The following MLLT3 variants were observed in gnomAD, a reference collection of about 807,000 sequenced individuals.
The protein encoded by MLLT3 is MLLT3 super elongation complex subunit.
Under a neutral mutation model 53.2 loss-of-function variants are expected in MLLT3, and 4 were observed. The observed-to-expected ratio is 0.08, with a 90% CI of 0.04 to 0.17. MLLT3 has a LOEUF of 0.17. MLLT3 is among the 10% of genes least tolerant of loss of function. The pLI is 1.00. For missense variants in MLLT3, 569 were observed against 684.0 expected (o/e 0.83, Z 1.87); for synonymous variants, 283 against 230.6 (o/e 1.23, Z -2.06).
Position 20,620,624 on chromosome 9 carries a change from T to TA in MLLT3, c.193+29dup. On this transcript the variant is annotated intron_variant, in intron 2 of 10. Transcript: ENST00000380338. The surrounding 1 kb of genome is among the most constrained non-coding windows in gnomAD (Gnocchi z 6.1). The stretch of plus-strand genomic sequence containing the variant: ...AAGCGATTGTTTCAAAGACATTTTT[T>TA]ATCAAGACCCTTTTGTATTCGAGCC... 6.3e-7 allele frequency: 1 copy of TA among 1,596,706 alleles called. No homozygotes were observed. Among genetic ancestry groups the TA allele is most frequent in the African/African-American group, 1.3e-5 (1 of 74,420 alleles).
At chr9:20,374,170 GCCAGGAGTTCAAGA>G (rs1390810045) in intron 5 of MLLT3, among the ~76,000 whole-genome samples, 1 of 152,176 alleles carries the variant, frequency 6.6e-6, no homozygotes, top group Non-Finnish European at 1.5e-5. Context: ...ATTGTTTGAA[GCCAGGAGTTCAAGA>G]CCAGCCTGGG....
chr9:20,501,721 G>A (rs922316923), intron 2 of MLLT3, among the ~76,000 whole-genome samples: 6 of 134,226 alleles, frequency 4.5e-5, no homozygotes, highest in East Asian at 2.4e-4. Context: ...ACTGCAGTCC[G>A]CAGTCCGGCC....
In MLLT3 at chr9:20,424,424, T is replaced by A. The variant is rs80207839; in HGVS notation, c.421-9999A>T. ...TCAGAAAACTGCAAGATACTTCTCATCTCACATTAAATGTTTTCAAATTTT... is the reference window on the plus strand; with the variant it reads ...TCAGAAAACTGCAAGATACTTCTCAACTCACATTAAATGTTTTCAAATTTT... On this transcript the variant is annotated intron_variant, in intron 4 of 10. Transcript: ENST00000380338. Among the ~76,000 whole-genome samples the A allele has an allele frequency of 1.8e-4, 28 of 152,318 alleles. No homozygotes were observed. The East Asian group carries it at 5.4e-3, about 29-fold the overall frequency.
intron 5 of MLLT3, chr9:20,380,307 T>A (rs963037776): frequency 2.2e-4 from 34 of 151,340 alleles, no homozygotes; most frequent in African/African-American, 8.0e-4. Flanking sequence ...ACAGACAAGT[T>A]AGTGAGGGTC....
At chr9:20,401,836 A>G (rs1455420555) in intron 5 of MLLT3, among the ~76,000 whole-genome samples, 1 of 152,212 alleles carries the variant, frequency 6.6e-6, no homozygotes, top group East Asian at 1.9e-4. Context: ...TAGAAGAATA[A>G]GAGGATAATG....
chr9:20,479,029 AG>A lies in MLLT3; in HGVS notation c.194-22244del, dbSNP rs143881475. On this transcript the variant is annotated intron_variant, in intron 2 of 10. Coordinates refer to ENST00000380338, the MANE Select transcript of MLLT3 (RefSeq NM_004529.4). Reference sequence around the variant, plus strand: ...TGGATTTGAAGGCTCTCAATTAAAGAGATCTTGGTCTGCCCTCATCTGGCAG... The same window carrying A: ...TGGATTTGAAGGCTCTCAATTAAAGAATCTTGGTCTGCCCTCATCTGGCAG... Among the ~76,000 whole-genome samples, 778 of 152,294 alleles carry A rather than the reference AG, an allele frequency of 5.1e-3. 14 individuals are homozygous for A. Among genetic ancestry groups the A allele is most frequent in the African/African-American group, 0.018 (749 of 41,570 alleles).
At chr9:20,507,402 T>G (rs921388899) in intron 2 of MLLT3, among the ~76,000 whole-genome samples, 1 of 152,170 alleles carries the variant, frequency 6.6e-6, no homozygotes, top group African/African-American at 2.4e-5. Flanking sequence ...GACTGCAGCC[T>G]AGGCTCAAAA....
At position 20,532,887 on chromosome 9, in the gene MLLT3, C is replaced by CAG. The variant is rs1435358636; in HGVS notation, c.194-76103_194-76102dup. The CAG allele has an allele frequency of 3.5e-5, 9 of 254,712 alleles. No individual in the cohort carries two copies. In the Admixed American group the frequency reaches 4.6e-4, roughly 13 times the overall value. 15.8% of individuals were successfully genotyped at this position (254,712 alleles called of 1,614,324 possible). On this transcript the variant is annotated intron_variant, in intron 2 of 10. Coordinates refer to ENST00000380338, the MANE Select transcript of MLLT3 (RefSeq NM_004529.4). Reference sequence around the variant, plus strand: ...ACCAGAGGCAAAGCAAGACAAGAAGCAGAGCTTGTTGGCCTGGGCTGAGAA... The same window carrying CAG: ...ACCAGAGGCAAAGCAAGACAAGAAGCAGAGAGCTTGTTGGCCTGGGCTGAGAA...
intron 5 of MLLT3, among the ~76,000 whole-genome samples, chr9:20,389,949 C>G (rs1822143293): frequency 6.6e-6 from 1 of 152,124 alleles, no homozygotes; most frequent in African/African-American, 2.4e-5. Flanking sequence ...TGATTCAGCT[C>G]CTATATTTTA....
intron 2 of MLLT3, among the ~76,000 whole-genome samples, chr9:20,473,116 G>A (rs904855827): frequency 6.6e-6 from 1 of 152,044 alleles, no homozygotes; most frequent in Admixed American, 6.6e-5. Context: ...AGGAGATTCC[G>A]ATGCTTGCTC....
At chr9:20,563,914 G>C (rs1819283844) in intron 2 of MLLT3, among the ~76,000 whole-genome samples, 1 of 152,118 alleles carries the variant, frequency 6.6e-6, no homozygotes, top group Admixed American at 6.6e-5. Flanking sequence ...TATAACAAAA[G>C]ATGACTTTTA....
chr9:20,391,777 C>T (rs1178315358), intron 5 of MLLT3, among the ~76,000 whole-genome samples: 1 of 152,132 alleles, frequency 6.6e-6, no homozygotes, highest in African/African-American at 2.4e-5. Flanking sequence ...ATCAAATGTA[C>T]TTCTCTCAAG....
At chr9:20,521,899 A>G (rs182030746) in intron 2 of MLLT3, among the ~76,000 whole-genome samples, 2 of 152,324 alleles carry the variant, frequency 1.3e-5, no homozygotes, top group Admixed American at 1.3e-4. Context: ...ACAGCAGTCT[A>G]AAAGAAGAGG....
chr9:20,514,828 ATCT>A (rs1233362670), intron 2 of MLLT3, among the ~76,000 whole-genome samples: 1 of 152,122 alleles, frequency 6.6e-6, no homozygotes, highest in Admixed American at 6.5e-5. Context: ...TACTGAAAGC[ATCT>A]TCCAAGAAAC....
intron 5 of MLLT3, among the ~76,000 whole-genome samples, chr9:20,370,385 C>A (rs2118666239): frequency 6.6e-6 from 1 of 152,208 alleles, no homozygotes; most frequent in Admixed American, 6.5e-5. Flanking sequence ...GCTCCACCAA[C>A]CTGTCAATCA....
intron 3 of MLLT3, among the ~76,000 whole-genome samples, chr9:20,450,098 T>C (rs1031286003): frequency 2.0e-5 from 3 of 152,254 alleles, no homozygotes; most frequent in East Asian, 1.9e-4. Flanking sequence ...TATCCTCTGT[T>C]ATCTTGGAAT....
At chr9:20,399,354 A>G (rs1322290063) in intron 5 of MLLT3, among the ~76,000 whole-genome samples, 6 of 152,136 alleles carry the variant, frequency 3.9e-5, no homozygotes, top group Admixed American at 2.6e-4. Flanking sequence ...ATTAAACTCA[A>G]TATTTGTTGA....
Position 20,579,479 on chromosome 9 carries a change from T to C in MLLT3, c.193+41175A>G, listed in dbSNP as rs1819735706. On this transcript the variant is annotated intron_variant, in intron 2 of 10. Transcript: ENST00000380338. Reference sequence around the variant, plus strand: ...CGAGAAACAAGAGGAAATGTCCTTCTACAAAGAGCCCATGAGAAGACTTTT... The same window carrying C: ...CGAGAAACAAGAGGAAATGTCCTTCCACAAAGAGCCCATGAGAAGACTTTT... 2.0e-5 allele frequency among the ~76,000 whole-genome samples: 3 copies of C among 152,114 alleles called. No individual in the cohort carries two copies. The South Asian group carries it at 6.2e-4, about 32-fold the overall frequency.
intron 2 of MLLT3, among the ~76,000 whole-genome samples, chr9:20,537,925 A>G (rs1209363844): frequency 1.3e-5 from 2 of 152,202 alleles, no homozygotes; most frequent in African/African-American, 2.4e-5. Context: ...AACTAATTAC[A>G]AATCAGAAGA....
Sources: gnomAD v4.1 joint callset for allele counts (sites outside exome capture counted in the v4.1 genomes callset) on GRCh38, gnomAD v4.1.1 for gene constraint, Gnocchi (gnomAD v3.1) non-coding constraint, MANE v1.5 for transcripts, NCBI Gene and HGNC (gene_info 2026-07-23, HGNC 2026-07-21) for gene names.